Variants in HSD17B3 observed in about 807,000 individuals in gnomAD.
The protein encoded by HSD17B3 is hydroxysteroid 17-beta dehydrogenase 3.
HSD17B3 carries 29 observed loss-of-function variants against 41.1 expected under a neutral mutation model. That is an observed-to-expected ratio of 0.71 (90% CI 0.53 to 0.96). HSD17B3 has a LOEUF of 0.96. Ranked by LOEUF, HSD17B3 falls within the 40% of genes least tolerant of loss-of-function variation. The pLI is 0.00. For synonymous variants in HSD17B3, 126 were observed against 145.6 expected (o/e 0.87, Z 0.97); for missense variants, 323 against 374.6 (o/e 0.86, Z 1.14).
At chr9:96,239,767 A>G (rs1027106639) in intron 10 of HSD17B3, 4 of 152,240 alleles carry the variant, frequency 2.6e-5, no homozygotes, top group Admixed American at 6.5e-5. Context: ...GACTGGAGTC[A>G]GAGCTATGCC....
intron 9 of HSD17B3, among the ~76,000 whole-genome samples, chr9:96,241,605 A>ATT (rs923989937): frequency 1.3e-4 from 20 of 152,172 alleles, no homozygotes; most frequent in African/African-American, 3.9e-4. Context: ...ATGGGGTTTT[A>ATT]TTACCTTATT....
chr9:96,288,449 C>A lies in HSD17B3; in HGVS notation c.201+9967G>T, dbSNP rs147454236. ...AGGTATTGTCACAAGTTCCCCCCAACCTGCAATCTCCACAGTGAGGTTTCA... is the reference window on the plus strand; with the variant it reads ...AGGTATTGTCACAAGTTCCCCCCAAACTGCAATCTCCACAGTGAGGTTTCA... On this transcript the variant is annotated intron_variant, in intron 2 of 10. Coordinates refer to ENST00000375263, the MANE Select transcript of HSD17B3 (RefSeq NM_000197.2). Among the ~76,000 whole-genome samples the A allele has an allele frequency of 4.6e-5, 7 of 152,192 alleles. No individual in the cohort carries two copies. In the East Asian group the frequency reaches 1.4e-3, roughly 29 times the overall value.
chr9:96,290,258 C>CGCA (rs1425331957), intron 2 of HSD17B3, among the ~76,000 whole-genome samples: 3 of 151,858 alleles, frequency 2.0e-5, no homozygotes, highest in Non-Finnish European at 4.4e-5. Flanking sequence ...TAAATGTAAA[C>CGCA]GCAGATTCGG....
chr9:96,237,265 T>A (rs1439382433), intron 10 of HSD17B3, among the ~76,000 whole-genome samples: 1 of 152,124 alleles, frequency 6.6e-6, no homozygotes, highest in Non-Finnish European at 1.5e-5. Flanking sequence ...CTCTTCCATC[T>A]CCATCTTTGT....
intron 2 of HSD17B3, among the ~76,000 whole-genome samples, chr9:96,266,704 G>A (rs1471288857): frequency 6.6e-6 from 1 of 152,160 alleles, no homozygotes; most frequent in African/African-American, 2.4e-5. Context: ...TGCCAGTACT[G>A]AACCTGGGAG....
chr9:96,266,645 G>C (rs1029927823), intron 2 of HSD17B3, among the ~76,000 whole-genome samples: 10 of 152,130 alleles, frequency 6.6e-5, no homozygotes, highest in Non-Finnish European at 1.3e-4. Flanking sequence ...AGAGTAAGCT[G>C]AGAACTGACA....
Position 96,252,865 on chromosome 9 carries a change from G to A in HSD17B3, c.323C>T (p.Thr108Ile), listed in dbSNP as rs897533007. Residue 108 changes from threonine to isoleucine, a missense_variant, in exon 4 of 11, where the codon ACA (threonine) becomes ATA (isoleucine). Thr to Ile is a moderately conservative substitution (Grantham distance 89). Coordinates refer to ENST00000375263, the MANE Select transcript of HSD17B3 (RefSeq NM_000197.2). Reference sequence around the variant, plus strand: ...AATATGCTCGTAGATGTCATCTTTTGTAAAATCTGCTTGTATAATCTTCAC... The same window carrying A: ...AATATGCTCGTAGATGTCATCTTTTATAAAATCTGCTTGTATAATCTTCAC... The part of the protein sequence containing the change: ...RSVKIIQADF[T>I]KDDIYEHIKE... 17 of 1,613,610 alleles carry A rather than the reference G, an allele frequency of 1.1e-5. No homozygotes were observed. Among genetic ancestry groups the A allele is most frequent in the Non-Finnish European group, 1.4e-5 (17 of 1,179,640 alleles).
intron 2 of HSD17B3, among the ~76,000 whole-genome samples, chr9:96,276,028 A>G (rs1254831523): frequency 7.0e-6 from 1 of 143,856 alleles, no homozygotes. Context: ...GGCATGGAGC[A>G]TGGGGAAGTC....
intron 2 of HSD17B3, among the ~76,000 whole-genome samples, chr9:96,275,949 A>G (rs1826432952): frequency 6.6e-6 from 1 of 151,954 alleles, no homozygotes; most frequent in Non-Finnish European, 1.5e-5. Context: ...CAAAAGGCAT[A>G]GAGTGGTTGA....
chr9:96,242,011 GA>G (rs376498434), intron 9 of HSD17B3, among the ~76,000 whole-genome samples: 1 of 105,160 alleles, frequency 9.5e-6, no homozygotes, highest in Non-Finnish European at 2.0e-5. Context: ...GAAAGAGAAA[GA>G]AAAGAAAGAA....
chr9:96,266,439 A>AT (rs920351989), intron 2 of HSD17B3, among the ~76,000 whole-genome samples: 6 of 148,664 alleles, frequency 4.0e-5, no homozygotes, highest in Non-Finnish European at 6.0e-5. Flanking sequence ...TTCCTGGCTA[A>AT]TTTTTTTTTT....
At chr9:96,256,749 T>C (rs1180194221) in intron 2 of HSD17B3, among the ~76,000 whole-genome samples, 1 of 151,140 alleles carries the variant, frequency 6.6e-6, no homozygotes, top group Non-Finnish European at 1.5e-5. Context: ...TAGTCTCCAA[T>C]AGCCAGCAAT....
chr9:96,262,183 A>G (rs2130746098), intron 2 of HSD17B3, among the ~76,000 whole-genome samples: 1 of 150,188 alleles, frequency 6.7e-6, no homozygotes, highest in Admixed American at 6.6e-5. Context: ...TCTACCTCTG[A>G]AAAAGACATG....
chr9:96,301,901 C>A, intron 1 of HSD17B3, 50 bp downstream of exon 1: 1 of 1,574,624 alleles, frequency 6.4e-7, no homozygotes, highest in Non-Finnish European at 8.7e-7. Context: ...ATAATAGTAA[C>A]AAGCAGGAAC....
intron 2 of HSD17B3, among the ~76,000 whole-genome samples, chr9:96,273,497 C>G (rs536252341): frequency 6.6e-6 from 1 of 152,326 alleles, no homozygotes; most frequent in African/African-American, 2.4e-5. Flanking sequence ...CTCCAGCAGC[C>G]TCAGCCACCA....
intron 5 of HSD17B3, chr9:96,250,141 C>T (rs1053489696): frequency 1.6e-6 from 2 of 1,255,818 alleles, no homozygotes; most frequent in African/African-American, 1.5e-5. Flanking sequence ...TCCAGGAGAA[C>T]AGAAAGACAA....
At chr9:96,276,504 T>C (rs1236460650) in intron 2 of HSD17B3, among the ~76,000 whole-genome samples, 1 of 152,128 alleles carries the variant, frequency 6.6e-6, no homozygotes, top group Non-Finnish European at 1.5e-5. Flanking sequence ...CTTCAAAATA[T>C]ATTATAAAGC....
At position 96,251,475 on chromosome 9, in the gene HSD17B3, G is replaced by C; in HGVS notation, c.396C>G (p.Val132=). ...TTGGGAGAAGGTTTGGAAGCATTCC[G>C]ACATTGTTGACTGGCAGAAAGAAGC... ...GLEIGILVNN[V]GMLPNLLPSH... The change falls in exon 5 of 11, where the codon GTC becomes GTG. Residue 132 remains valine, a synonymous_variant. Coordinates refer to ENST00000375263, the MANE Select transcript of HSD17B3 (RefSeq NM_000197.2). 1 of 1,614,026 alleles carries C rather than the reference G, an allele frequency of 6.2e-7. No homozygotes were observed. The highest frequency in any genetic ancestry group is 8.5e-7 in the Non-Finnish European group (1 of 1,179,890).
chr9:96,276,208 T>C (rs887282913), intron 2 of HSD17B3, among the ~76,000 whole-genome samples: 20 of 151,296 alleles, frequency 1.3e-4, no homozygotes, highest in African/African-American at 2.4e-5. Flanking sequence ...GGTAAAAGAC[T>C]TGTACGCTAA....
Sources: gnomAD v4.1 joint callset for allele counts (sites outside exome capture counted in the v4.1 genomes callset) on GRCh38, gnomAD v4.1.1 for gene constraint, MANE v1.5 for transcripts, NCBI Gene and HGNC (gene_info 2026-07-23, HGNC 2026-07-21) for gene names.